The following SGCD variants were observed in gnomAD, a reference collection of about 807,000 sequenced individuals.
The protein encoded by SGCD is sarcoglycan delta.
A neutral mutation model predicts 36.6 loss-of-function variants in SGCD; 18 were observed. The ratio of observed to expected loss-of-function variants is 0.49; its 90% CI spans 0.34 to 0.73. The LOEUF (loss-of-function observed/expected upper bound fraction) is 0.73. Among genes scored for constraint, SGCD ranks in the 30% least tolerant of loss-of-function variants. The pLI, the probability that SGCD is intolerant of heterozygous loss-of-function variation, is 0.01. For synonymous variants in SGCD, 133 were observed against 130.6 expected (o/e 1.02, Z -0.12); for missense variants, 387 against 346.7 (o/e 1.12, Z -0.92).
chr5:155,796,973 C>A, the SGCD span, among the ~76,000 whole-genome samples: 1 of 151,618 alleles, frequency 6.6e-6, no homozygotes. Flanking sequence ...TCAACAGAAC[C>A]AGAAGTTGTT....
chr5:156,428,322 G>A (rs1773766306), intron 3 of SGCD, among the ~76,000 whole-genome samples: 1 of 152,032 alleles, frequency 6.6e-6, no homozygotes, highest in Non-Finnish European at 1.5e-5. Flanking sequence ...TAGTTTATGT[G>A]CATAAAGGTG....
At chr5:156,372,512 T>C (rs7721793) in intron 3 of SGCD, among the ~76,000 whole-genome samples, 78,638 of 151,906 alleles carry the variant, frequency 0.52, 20,939 homozygotes, top group East Asian at 0.85. Flanking sequence ...TTTCACCTCA[T>C]CCTCCCTTTG....
chr5:156,483,983 A>C (rs1181082715), intron 3 of SGCD, among the ~76,000 whole-genome samples: 1 of 152,210 alleles, frequency 6.6e-6, no homozygotes, highest in Admixed American at 6.5e-5. Flanking sequence ...CAGCAGCAGA[A>C]GGAAACTGTT....
chr5:155,867,052 G>T (rs1755537326), upstream of SGCD, among the ~76,000 whole-genome samples: 1 of 152,178 alleles, frequency 6.6e-6, no homozygotes, highest in African/African-American at 2.4e-5. Context: ...CGTTTCTAGA[G>T]AAAATGATGG....
intron 3 of SGCD, among the ~76,000 whole-genome samples, chr5:156,231,626 G>T (rs776225421): frequency 7.9e-5 from 12 of 152,202 alleles, no homozygotes; most frequent in Non-Finnish European, 1.5e-4. Context: ...ACTTACTGAT[G>T]CAGGATGAGC....
intron 7 of SGCD, among the ~76,000 whole-genome samples, chr5:156,657,838 A>T (rs1763756015): frequency 7.7e-6 from 1 of 130,596 alleles, no homozygotes; most frequent in Non-Finnish European, 1.6e-5. Context: ...AGCGTTCAGC[A>T]TATGGAGGAT....
At chr5:156,193,159 C>T (rs957671896) in intron 3 of SGCD, among the ~76,000 whole-genome samples, 1 of 152,088 alleles carries the variant, frequency 6.6e-6, no homozygotes, top group Non-Finnish European at 1.5e-5. Flanking sequence ...TTCATGTAGT[C>T]AAAGGCTAAT....
At chr5:155,750,106 GT>G in the SGCD span, among the ~76,000 whole-genome samples, 17 of 152,232 alleles carry the variant, frequency 1.1e-4, no homozygotes, top group East Asian at 2.1e-3. Flanking sequence ...TAGTTTAAAA[GT>G]TTAGTCTGTC....
intron 7 of SGCD, among the ~76,000 whole-genome samples, chr5:156,724,102 A>T: frequency 6.6e-6 from 1 of 152,156 alleles, no homozygotes; most frequent in East Asian, 1.9e-4. Flanking sequence ...AATTGTGATG[A>T]TTTGAATCTG....
chr5:156,631,783 G>T (rs1762645989), intron 6 of SGCD, among the ~76,000 whole-genome samples: 1 of 152,008 alleles, frequency 6.6e-6, no homozygotes, highest in Non-Finnish European at 1.5e-5. Context: ...TATTAAGCAG[G>T]CATTTAAAAT....
intron 7 of SGCD, among the ~76,000 whole-genome samples, chr5:156,653,140 G>T (rs1019197909): frequency 6.6e-6 from 1 of 151,868 alleles, no homozygotes; most frequent in Non-Finnish European, 1.5e-5. Flanking sequence ...CTTCCTCCTC[G>T]GTTTTTTGGA....
chr5:155,929,631 G>A (rs1053133483), intron 1 of SGCD, among the ~76,000 whole-genome samples: 8 of 151,924 alleles, frequency 5.3e-5, no homozygotes, highest in Non-Finnish European at 8.8e-5. Flanking sequence ...GGATTCTTCC[G>A]CTCTGTAAAA....
intron 7 of SGCD, among the ~76,000 whole-genome samples, chr5:156,700,174 C>T (rs1436593387): frequency 6.6e-5 from 10 of 152,154 alleles, no homozygotes; most frequent in Non-Finnish European, 1.5e-4. Flanking sequence ...AACATACACT[C>T]ATACTAACTA....
At chr5:156,267,757 G>A (rs1299551680) in intron 3 of SGCD, among the ~76,000 whole-genome samples, 1 of 152,098 alleles carries the variant, frequency 6.6e-6, no homozygotes, top group Non-Finnish European at 1.5e-5. Context: ...AAGCCAAATG[G>A]CATATGATAG....
chr5:155,751,189 C>T, the SGCD span, among the ~76,000 whole-genome samples: 2 of 152,088 alleles, frequency 1.3e-5, no homozygotes, highest in Non-Finnish European at 2.9e-5. Flanking sequence ...TGATAAGAGA[C>T]TATTAAAGAG....
chr5:156,585,468 G>GT (rs1443487543), intron 4 of SGCD, among the ~76,000 whole-genome samples: 3 of 152,144 alleles, frequency 2.0e-5, no homozygotes, highest in Middle Eastern at 3.2e-3. Flanking sequence ...GTAGAAGCCA[G>GT]TTTTTTCCAG....
chr5:156,070,010 T>A (rs561596646), intron 1 of SGCD, among the ~76,000 whole-genome samples: 2 of 152,134 alleles, frequency 1.3e-5, no homozygotes, highest in Non-Finnish European at 2.9e-5. Context: ...AAGTTGCTTA[T>A]CAGCTTAAGG....
At chr5:156,236,454 T>C (rs901347474) in intron 3 of SGCD, among the ~76,000 whole-genome samples, 1 of 151,108 alleles carries the variant, frequency 6.6e-6, no homozygotes, top group Non-Finnish European at 1.5e-5. Flanking sequence ...TCGTATACTT[T>C]TTTTTTTTTT....
chr5:156,037,497 T>C (rs574725299), intron 1 of SGCD, among the ~76,000 whole-genome samples: 6 of 152,312 alleles, frequency 3.9e-5, no homozygotes, highest in African/African-American at 1.4e-4. Context: ...AAGCAGGCAA[T>C]TTGGCCTGTC....
Sources: allele counts gnomAD v4.1 joint callset (sites outside exome capture counted in the v4.1 genomes callset), GRCh38; gene constraint gnomAD v4.1.1; transcripts MANE v1.5; gene names NCBI Gene and HGNC (gene_info 2026-07-23, HGNC 2026-07-21).